RHEX: variants seen among roughly 807,000 people sequenced by gnomAD.
RHEX encodes the protein regulator of hemoglobinization and erythroid cell expansion.
A neutral mutation model predicts 20.1 loss-of-function variants in RHEX; 18 were observed. The ratio of observed to expected loss-of-function variants is 0.90; its 90% confidence interval spans 0.62 to 1.33. The LOEUF (loss-of-function observed/expected upper bound fraction) is 1.33. Among genes scored for constraint, RHEX ranks in the 40% most tolerant of loss-of-function variants. The pLI is 0.00. For missense variants in RHEX, 192 were observed against 214.3 expected (o/e 0.90, Z 0.65); for synonymous variants, 87 against 77.1 (o/e 1.13, Z -0.67).
intron 1 of RHEX, among the ~76,000 whole-genome samples, chr1:206,094,279 G>A (rs1663020511): frequency 6.6e-6 from 1 of 151,990 alleles, no homozygotes; most frequent in Admixed American, 6.6e-5. Context: ...GGAACAACCT[G>A]CTCATTGTGG....
intron 1 of RHEX, chr1:206,062,386 G>A (rs1158947268): frequency 6.6e-6 from 1 of 152,266 alleles, no homozygotes; most frequent in Non-Finnish European, 1.5e-5. Flanking sequence ...AGGCTCCTGA[G>A]ACAGCCTGGC....
intron 3 of RHEX, among the ~76,000 whole-genome samples, chr1:206,099,267 A>T (rs550673957): frequency 1.3e-5 from 2 of 151,572 alleles, no homozygotes; most frequent in African/African-American, 4.8e-5. Flanking sequence ...TACTGAGGGC[A>T]GTGTTCAACA....
chr1:206,097,708 C>T (rs1663101350), intron 1 of RHEX, 25 bp from the exon 2 acceptor site: 1 of 1,540,034 alleles, frequency 6.5e-7, no homozygotes, highest in Admixed American at 1.7e-5. Context: ...CCCTGGAGTC[C>T]TGACCAGCTC....
At chr1:206,083,461 C>T (rs1662776635) in intron 1 of RHEX, 2 of 983,112 alleles carry the variant, frequency 2.0e-6, no homozygotes, top group Non-Finnish European at 2.4e-6. Context: ...CCCTGCTGTA[C>T]TCAACGAGCG....
chr1:206,071,296 A>G (rs35058970), intron 1 of RHEX, among the ~76,000 whole-genome samples: 37,341 of 151,988 alleles, frequency 0.25, 7,218 homozygotes, highest in African/African-American at 0.54. Flanking sequence ...GCCCTTCATG[A>G]TTCCTCTGCC....
intron 1 of RHEX, chr1:206,060,712 A>C (rs1373698198): frequency 2.0e-5 from 3 of 152,246 alleles, no homozygotes; most frequent in Non-Finnish European, 4.4e-5. Context: ...CATGTCTCTT[A>C]GTTGCTTCCT....
At chr1:206,075,191 T>C (rs1271801152) in intron 1 of RHEX, among the ~76,000 whole-genome samples, 15 of 152,222 alleles carry the variant, frequency 9.9e-5, no homozygotes, top group Admixed American at 9.2e-4. Flanking sequence ...TGTAGCATCT[T>C]GCTGGAAAGT....
At chr1:206,054,634 A>T (rs1183232493) in intron 1 of RHEX, among the ~76,000 whole-genome samples, 3 of 152,278 alleles carry the variant, frequency 2.0e-5, no homozygotes, top group Non-Finnish European at 4.4e-5. Flanking sequence ...TAAAGCATCA[A>T]CCTGCTCTTT....
intron 1 of RHEX, among the ~76,000 whole-genome samples, chr1:206,076,845 A>T (rs1662645125): frequency 6.6e-6 from 1 of 152,192 alleles, no homozygotes; most frequent in Admixed American, 6.5e-5. Context: ...TGATTAGATC[A>T]TTTCCAGCAT....
intron 1 of RHEX, among the ~76,000 whole-genome samples, chr1:206,088,973 C>G (rs1553286667): frequency 6.6e-6 from 1 of 152,052 alleles, no homozygotes; most frequent in African/African-American, 2.4e-5. Flanking sequence ...GTGCACTCCA[C>G]CAGGCCCAGC....
chr1:206,064,629 G>A (rs1465142285), intron 1 of RHEX, among the ~76,000 whole-genome samples: 721 of 62,414 alleles, frequency 0.012, 8 homozygotes, highest in South Asian at 0.032. Context: ...CTGCCCGGCC[G>A]GCCGCCCCGT....
rs150013372 is a variant in RHEX at position 206,097,649 on chromosome 1, A to G, written c.-96-84A>G. 4.5e-4 allele frequency: 352 copies of G among 773,878 alleles called. 2 individuals carry two copies. In the African/African-American group the frequency reaches 5.0e-3, roughly 11 times the overall value. 47.9% of individuals were successfully genotyped at this position (773,878 alleles called of 1,614,324 possible). A position where few individuals can be genotyped will look rare whatever the true frequency, so the allele number is the denominator to read the frequency against. Reference sequence around the variant, plus strand: ...ATGAATAAACTGGGCATGTGTCACAATTGATCCTCAAGTAGCTGAGTTTGC... The same window carrying G: ...ATGAATAAACTGGGCATGTGTCACAGTTGATCCTCAAGTAGCTGAGTTTGC... On this transcript the variant is annotated intron_variant, in intron 1 of 5. Coordinates refer to ENST00000331555, the MANE Select transcript of RHEX (RefSeq NM_001007544.4).
chr1:206,066,808 A>G (rs1357222687), intron 1 of RHEX, among the ~76,000 whole-genome samples: 1 of 152,248 alleles, frequency 6.6e-6, no homozygotes, highest in Admixed American at 6.5e-5. Context: ...TGTAGTGCAT[A>G]AACATATATG....
In RHEX at chr1:206,075,031, T is replaced by C. The variant is rs72752946; in HGVS notation, c.-97+21766T>C. On this transcript the variant is annotated intron_variant, in intron 1 of 5. Transcript: ENST00000331555. ...TCACTGTGTTTTTTTGCTCATTCTC[T>C]GCCTGTGGTGTAAATATATTGTTGA... Among the ~76,000 whole-genome samples, 623 of 152,356 alleles carry C rather than the reference T, an allele frequency of 4.1e-3. 3 individuals carry two copies. The highest frequency in any genetic ancestry group is 7.5e-3 in the Non-Finnish European group (513 of 68,036).
At chr1:206,085,096 A>G (rs1414129552) in intron 1 of RHEX, among the ~76,000 whole-genome samples, 1 of 152,186 alleles carries the variant, frequency 6.6e-6, no homozygotes, top group East Asian at 1.9e-4. Flanking sequence ...CTTCAACTGG[A>G]AAATAAGTCA....
At chr1:206,070,217 G>T (rs1266665496) in intron 1 of RHEX, among the ~76,000 whole-genome samples, 1 of 152,134 alleles carries the variant, frequency 6.6e-6, no homozygotes, top group South Asian at 2.1e-4. Context: ...CAGTAGAAGG[G>T]TCTATAGTCC....
intron 1 of RHEX, among the ~76,000 whole-genome samples, chr1:206,076,076 CA>C (rs1420429032): frequency 6.6e-6 from 1 of 151,920 alleles, no homozygotes; most frequent in Admixed American, 6.6e-5. Context: ...CTGCGAGAAG[CA>C]AAAACTTGTT....
At chr1:206,095,925 T>C (rs1288882952) in intron 1 of RHEX, among the ~76,000 whole-genome samples, 2 of 152,112 alleles carry the variant, frequency 1.3e-5, no homozygotes, top group African/African-American at 2.4e-5. Context: ...CAACCTGGAC[T>C]CGGGTGATCC....
rs1662187768 is a variant in RHEX at position 206,055,988 on chromosome 1, A to G, written c.-97+2723A>G. Among the ~76,000 whole-genome samples, 9 of 152,380 alleles carry G rather than the reference A, an allele frequency of 5.9e-5. No homozygotes were observed. In the South Asian group the frequency reaches 1.9e-3, roughly 32 times the overall value. On this transcript the variant is annotated intron_variant, in intron 1 of 5. Transcript: ENST00000331555. ...CAAAACCTAAACATAAAGTCCCCCT[A>G]TGCTGTGGTGATTTTAATAAATACC...
Sources: allele counts gnomAD v4.1 joint callset (sites outside exome capture counted in the v4.1 genomes callset), GRCh38; gene constraint gnomAD v4.1.1; transcripts MANE v1.5; gene names NCBI Gene and HGNC (gene_info 2026-07-23, HGNC 2026-07-21).